The following ACSL1 variants were observed in gnomAD, a reference collection of about 807,000 sequenced individuals.
The protein encoded by ACSL1 is acyl-CoA synthetase long chain family member 1.
Under a neutral mutation model 98.4 loss-of-function variants are expected in ACSL1, and 41 were observed. The observed-to-expected ratio is 0.42, with a 90% CI of 0.32 to 0.54. The LOEUF (loss-of-function observed/expected upper bound fraction) is 0.54. Ranked by LOEUF, ACSL1 falls within the 20% of genes least tolerant of loss-of-function variation. The pLI is 0.13. For synonymous variants in ACSL1, 316 were observed against 322.7 expected, an observed-to-expected ratio of 0.98 and a Z score of 0.22; for missense variants, 734 against 883.1, an observed-to-expected ratio of 0.83 and a Z score of 2.14.
At chr4:184,789,020 AAAAAT>A (rs1767895926) in intron 2 of ACSL1, among the ~76,000 whole-genome samples, 1 of 152,206 alleles carries the variant, frequency 6.6e-6, no homozygotes, top group African/African-American at 2.4e-5. Context: ...TTGTCCATTA[AAAAAT>A]AAAATGCTTA....
chr4:184,764,289 C>T (rs1218626561), intron 15 of ACSL1, among the ~76,000 whole-genome samples: 2 of 152,204 alleles, frequency 1.3e-5, no homozygotes, highest in East Asian at 3.8e-4. Flanking sequence ...CTCACAGGGA[C>T]ACTGTTGGGG....
chr4:184,807,167 C>G (rs1274518227), intron 1 of ACSL1, among the ~76,000 whole-genome samples: 1 of 152,220 alleles, frequency 6.6e-6, no homozygotes, highest in Non-Finnish European at 1.5e-5. Flanking sequence ...AAGACTCATA[C>G]ACTTGCTAAC....
At chr4:184,785,611 G>T (rs972452745) in intron 3 of ACSL1, among the ~76,000 whole-genome samples, 1 of 74,754 alleles carries the variant, frequency 1.3e-5, no homozygotes, top group South Asian at 5.4e-4. Flanking sequence ...GGGGGCGGGG[G>T]GGGGGGGGGG....
chr4:184,765,776 G>T (rs1019929151), intron 14 of ACSL1, 115 bp downstream of exon 14: 3 of 789,798 alleles, frequency 3.8e-6, no homozygotes, highest in Non-Finnish European at 4.0e-6. Context: ...ATATAGATAC[G>T]CTTGTCAATT....
chr4:184,795,911 A>C (rs952580770), intron 2 of ACSL1, among the ~76,000 whole-genome samples: 1 of 152,250 alleles, frequency 6.6e-6, no homozygotes, highest in African/African-American at 2.4e-5. Flanking sequence ...TTTCTAAATA[A>C]AAACACCCCC....
At chr4:184,819,354 G>A (rs1451826920) in intron 1 of ACSL1, among the ~76,000 whole-genome samples, 2 of 151,874 alleles carry the variant, frequency 1.3e-5, no homozygotes, top group Admixed American at 1.3e-4. Flanking sequence ...TGTTGTCCAG[G>A]CTGGTCTCGA....
chr4:184,825,376 C>A lies in ACSL1; in HGVS notation c.-33+540G>T. The A allele has an allele frequency of 2.2e-6, 1 of 453,362 alleles. No homozygotes were observed. Among genetic ancestry groups the A allele is most frequent in the Non-Finnish European group, 2.9e-6 (1 of 343,802 alleles). 28.1% of individuals were successfully genotyped at this position (453,362 alleles called of 1,614,324 possible). On this transcript the variant is annotated intron_variant, in intron 1 of 20. Coordinates refer to ENST00000281455, the MANE Select transcript of ACSL1 (RefSeq NM_001995.5). The surrounding 1 kb of genome is among the most constrained non-coding windows in gnomAD (Gnocchi z 4.7). ...TCACCGAGAGAATGTCTGCCTCTGG[C>A]AGCGGCCTCTGAGCTGCCTGTGGGC... is the stretch of plus-strand genomic sequence containing the variant.
At position 184,766,731 on chromosome 4, in the gene ACSL1, A is replaced by G; in HGVS notation, c.1154T>C (p.Leu385Pro). 1 of 1,613,558 alleles carries G rather than the reference A, an allele frequency of 6.2e-7. No individual in the cohort carries two copies. Among genetic ancestry groups the G allele is most frequent in the Non-Finnish European group, 8.5e-7 (1 of 1,179,512 alleles). ...DRIFGQANTTLKRWLLDFASK... is the reference protein window; with the variant it reads ...DRIFGQANTTPKRWLLDFASK... ...GGCAAAGTCCAAGAGCCATCGCTTC[A>G]GCGTGGTGTTTGCTTGTCCGAAAAT... Residue 385 changes from leucine (L) to proline (P), a missense_variant, in exon 13 of 21, where the codon CTG (leucine) becomes CCG (proline). Physicochemically the swap from Leu to Pro is moderately conservative, Grantham distance 98 (BLOSUM62 -3). Transcript: ENST00000281455. The surrounding 1 kb of genome is among the most constrained non-coding windows in gnomAD (Gnocchi z 4.8).
At chr4:184,768,116 T>C (rs1763904166) in intron 12 of ACSL1, 200 bp downstream of exon 12, 1 of 538,130 alleles carries the variant, frequency 1.9e-6, no homozygotes, top group Non-Finnish European at 3.2e-6. Flanking sequence ...AGTGTGTTCA[T>C]GCATTTTCTC....
intron 1 of ACSL1, among the ~76,000 whole-genome samples, chr4:184,820,278 A>C (rs892194210): frequency 2.0e-5 from 3 of 152,152 alleles, no homozygotes; most frequent in Non-Finnish European, 2.9e-5. Flanking sequence ...CGGCCTCCCA[A>C]AGTGCTGGGA....
chr4:184,813,890 G>A (rs745529608), intron 1 of ACSL1: 19 of 455,982 alleles, frequency 4.2e-5, no homozygotes, highest in Non-Finnish European at 7.5e-5. Context: ...ACTTGTTTGA[G>A]AAACTGCACG....
chr4:184,792,441 A>T (rs1344054537), intron 2 of ACSL1, among the ~76,000 whole-genome samples: 1 of 151,438 alleles, frequency 6.6e-6, no homozygotes, highest in South Asian at 2.1e-4. Flanking sequence ...ATAATGAATT[A>T]TTTTTTTTTC....
At chr4:184,788,519 GA>G (rs1343760966) in intron 3 of ACSL1, 97 bp downstream of exon 3, 2 of 961,414 alleles carry the variant, frequency 2.1e-6, no homozygotes, top group Non-Finnish European at 3.3e-6. Flanking sequence ...CGATCCTAAG[GA>G]GGCGAAAGAT....
At chr4:184,768,976 G>A (rs1421965086) in intron 11 of ACSL1, among the ~76,000 whole-genome samples, 1 of 151,994 alleles carries the variant, frequency 6.6e-6, no homozygotes, top group Non-Finnish European at 1.5e-5. Context: ...GGCTGAGGCT[G>A]GAGAATCGCT....
Position 184,822,919 on chromosome 4 carries a change from C to T in ACSL1, c.-33+2997G>A, listed in dbSNP as rs188403959. Among the ~76,000 whole-genome samples the T allele has an allele frequency of 9.7e-4, 147 of 152,272 alleles. 2 individuals carry two copies. The highest frequency in any genetic ancestry group is 3.5e-3 in the African/African-American group (144 of 41,538). The stretch of plus-strand genomic sequence containing the variant: ...TAAAATGACAATCTTAGAGTCGCTG[C>T]CACAAACCCTGGTAAAACTGCCCCT... On this transcript the variant is annotated intron_variant, in intron 1 of 20. Transcript: ENST00000281455.
chr4:184,757,859 C>G lies in ACSL1; in HGVS notation c.1844G>C (p.Arg615Thr), dbSNP rs758071442. ...TTCCTCAAACGACCCTTCAAATCCT[C>G]TCTTTTGGGCCCAGGAACATAATGT... is the stretch of plus-strand genomic sequence containing the variant. Reference protein sequence around the residue: ...VETLCSWAQKRGFEGSFEELC... With the variant: ...VETLCSWAQKTGFEGSFEELC... Residue 615 changes from arginine to threonine, a missense_variant, in exon 19 of 21, where the codon AGA (arginine) becomes ACA (threonine). By Grantham distance (71) the Arg-to-Thr change is moderately conservative. Coordinates refer to ENST00000281455, the MANE Select transcript of ACSL1 (RefSeq NM_001995.5). This position sits in a 1 kb window ranked among gnomAD's most constrained non-coding sequence, Gnocchi z 4.5. 1.2e-5 allele frequency: 19 copies of G among 1,614,074 alleles called. No homozygotes were observed. Among genetic ancestry groups the G allele is most frequent in the Non-Finnish European group, 1.6e-5 (19 of 1,180,048 alleles).
chr4:184,792,756 G>T (rs531649619), intron 2 of ACSL1, among the ~76,000 whole-genome samples: 2 of 152,182 alleles, frequency 1.3e-5, no homozygotes, highest in East Asian at 1.9e-4. Context: ...GCTATTTTTT[G>T]AACAGAAATG....
intron 2 of ACSL1, among the ~76,000 whole-genome samples, chr4:184,789,170 C>T (rs1471251599): frequency 2.6e-5 from 4 of 152,200 alleles, no homozygotes; most frequent in Non-Finnish European, 4.4e-5. Context: ...CAATCATTCG[C>T]CTGGAGGTAA....
At position 184,780,323 on chromosome 4, in the gene ACSL1, G is replaced by C; in HGVS notation, c.477+9C>G. The C allele has an allele frequency of 1.2e-6, 2 of 1,609,738 alleles. No homozygotes were observed. The highest frequency in any genetic ancestry group is 1.7e-6 in the Non-Finnish European group (2 of 1,177,114). On this transcript the variant is annotated intron_variant, in intron 5 of 20. Coordinates refer to ENST00000281455, the MANE Select transcript of ACSL1 (RefSeq NM_001995.5). ...AAATCATGCATAGCAAGTACCTACT[G>C]GTTCATACCTCAGGTCTATTTTGAG...
Sources: gnomAD v4.1 joint callset for allele counts (sites outside exome capture counted in the v4.1 genomes callset) on GRCh38, gnomAD v4.1.1 for gene constraint, Gnocchi (gnomAD v3.1) non-coding constraint, MANE v1.5 for transcripts, NCBI Gene and HGNC (gene_info 2026-07-23, HGNC 2026-07-21) for gene names.